HRH1: variants seen among roughly 807,000 people sequenced by gnomAD.
The protein encoded by HRH1 is histamine receptor H1, also known as histamine H1 receptor.
A neutral mutation model predicts 10.3 loss-of-function variants in HRH1; 6 were observed. The observed-to-expected ratio is 0.58, with a 90% CI of 0.32 to 1.15. The LOEUF is 1.15. HRH1 is among the 50% of genes most tolerant of loss of function. The probability of loss-of-function intolerance (pLI) is 0.05; values close to 1 mark genes in which losing one functional copy is unlikely to be tolerated. For synonymous variants in HRH1, 242 were observed against 236.7 expected (o/e 1.02, Z -0.21); for missense variants, 514 against 615.3 (o/e 0.84, Z 1.74).
intron 1 of HRH1, among the ~76,000 whole-genome samples, chr3:11,144,599 A>G (rs1430390374): frequency 6.6e-6 from 1 of 151,564 alleles, no homozygotes; most frequent in Non-Finnish European, 1.5e-5. Flanking sequence ...AGCCATTATC[A>G]TATGTCCTAC....
chr3:11,228,829 G>T (rs555777508), intron 1 of HRH1, among the ~76,000 whole-genome samples: 1 of 151,546 alleles, frequency 6.6e-6, no homozygotes, highest in Admixed American at 6.6e-5. Context: ...CAGGAGAATC[G>T]CTTGAACCCA....
At chr3:11,223,338 A>G (rs1177438746) in intron 1 of HRH1, among the ~76,000 whole-genome samples, 2 of 33,300 alleles carry the variant, frequency 6.0e-5, no homozygotes, top group African/African-American at 1.3e-3. Flanking sequence ...CTAAAAATAC[A>G]AAAAAAAAAA....
chr3:11,201,128 C>G (rs995843210), intron 1 of HRH1, among the ~76,000 whole-genome samples: 2 of 152,164 alleles, frequency 1.3e-5, no homozygotes, highest in Non-Finnish European at 2.9e-5. Flanking sequence ...GCTTACTGGC[C>G]CTGTCCAAAC....
chr3:11,208,734 T>A (rs1435503853), intron 1 of HRH1, among the ~76,000 whole-genome samples: 1 of 152,234 alleles, frequency 6.6e-6, no homozygotes, highest in Non-Finnish European at 1.5e-5. Context: ...TGATTATTAA[T>A]CGCTGTATAC....
At chr3:11,201,785 C>G (rs1937920272) in intron 1 of HRH1, among the ~76,000 whole-genome samples, 1 of 152,212 alleles carries the variant, frequency 6.6e-6, no homozygotes, top group Non-Finnish European at 1.5e-5. Context: ...TCACAGGAAG[C>G]ATGTCCAGCT....
chr3:11,164,919 GC>G (rs1415829879), intron 1 of HRH1, among the ~76,000 whole-genome samples: 1 of 152,216 alleles, frequency 6.6e-6, no homozygotes, highest in Admixed American at 6.5e-5. Flanking sequence ...AGTCCCAGCA[GC>G]AAGGTGCAGG....
In HRH1 at chr3:11,259,528, G is replaced by T; in HGVS notation, c.491G>T (p.Gly164Val). 1 of 1,614,028 alleles carries T rather than the reference G, an allele frequency of 6.2e-7. No homozygotes were observed. Among genetic ancestry groups the T allele is most frequent in the Non-Finnish European group, 8.5e-7 (1 of 1,180,012 alleles). The change falls in exon 2 of 2, where the codon GGC becomes GTC. Residue 164 changes from glycine to valine, a missense_variant. Coordinates refer to ENST00000431010, the MANE Select transcript of HRH1 (RefSeq NM_001098212.2). This position sits in a 1 kb window ranked among gnomAD's most constrained non-coding sequence, Gnocchi z 4.6. ...LSFLWVIPIL[G>V]WNHFMQQTSV... ...TTTCTGTGGGTTATTCCCATTCTAG[G>T]CTGGAATCACTTCATGCAGCAGACC...
intron 1 of HRH1, among the ~76,000 whole-genome samples, chr3:11,221,503 C>T (rs187620249): frequency 1.6e-4 from 24 of 151,060 alleles, no homozygotes; most frequent in Non-Finnish European, 2.4e-4. Flanking sequence ...TGCAGTGAGC[C>T]GAGATCACGC....
chr3:11,247,816 G>C (rs745694631), intron 1 of HRH1, among the ~76,000 whole-genome samples: 1 of 152,114 alleles, frequency 6.6e-6, no homozygotes, highest in Non-Finnish European at 1.5e-5. Flanking sequence ...TGAATAAGGT[G>C]GGGGGGAACT....
At chr3:11,152,650 T>TA (rs1936666591), upstream of HRH1, among the ~76,000 whole-genome samples, 1 of 41,042 alleles carries the variant, frequency 2.4e-5, no homozygotes, top group Non-Finnish European at 4.9e-5. Flanking sequence ...ATCCCCCCCT[T>TA]ACCTCCCTTA....
intron 1 of HRH1, among the ~76,000 whole-genome samples, chr3:11,199,888 C>T (rs1937835463): frequency 6.6e-6 from 1 of 152,148 alleles, no homozygotes; most frequent in Non-Finnish European, 1.5e-5. Flanking sequence ...TTAATAGAAG[C>T]TTCATCTTGT....
At chr3:11,192,027 G>C (rs1937543327) in intron 1 of HRH1, among the ~76,000 whole-genome samples, 1 of 152,182 alleles carries the variant, frequency 6.6e-6, no homozygotes, top group Non-Finnish European at 1.5e-5. Context: ...TGAGCCCCCT[G>C]TCCCCTTGGG....
At position 11,262,089 on chromosome 3, in the gene HRH1, T is replaced by A. The variant is rs1575051738; in HGVS notation, c.*1588T>A. On this transcript the variant is annotated 3_prime_UTR_variant, in exon 2 of 2. Coordinates refer to ENST00000431010, the MANE Select transcript of HRH1 (RefSeq NM_001098212.2). ...GCCATACCTGGTAAGCAAAAACTAGTAAAGACATAGGAACATGTAGTTTTA... is the reference window on the plus strand; with the variant it reads ...GCCATACCTGGTAAGCAAAAACTAGAAAAGACATAGGAACATGTAGTTTTA... 6.0e-6 allele frequency: 1 copy of A among 167,090 alleles called. No individual in the cohort carries two copies. Among genetic ancestry groups the A allele is most frequent in the East Asian group, 1.9e-4 (1 of 5,196 alleles). The allele number at this position is 167,090 out of a possible 1,614,324, so 10.4% of individuals were successfully genotyped here. A position where few individuals can be genotyped will look rare whatever the true frequency, so the allele number is the denominator to read the frequency against.
At chr3:11,194,789 G>A (rs1937610224) in intron 1 of HRH1, among the ~76,000 whole-genome samples, 1 of 152,154 alleles carries the variant, frequency 6.6e-6, no homozygotes, top group Non-Finnish European at 1.5e-5. Context: ...CACTCCAGCT[G>A]GGGCGACAGA....
At chr3:11,192,443 A>G (rs238615) in intron 1 of HRH1, among the ~76,000 whole-genome samples, 52,495 of 152,038 alleles carry the variant, frequency 0.35, 9,395 homozygotes, top group South Asian at 0.49. Context: ...CATATTCCAC[A>G]GTGTAAATAC....
intron 1 of HRH1, among the ~76,000 whole-genome samples, chr3:11,233,113 G>T (rs1474979909): frequency 6.6e-6 from 1 of 152,138 alleles, no homozygotes; most frequent in Non-Finnish European, 1.5e-5. Flanking sequence ...TTGGTTAACA[G>T]CTTCTTGATT....
At chr3:11,254,414 C>T (rs900576105) in intron 1 of HRH1, among the ~76,000 whole-genome samples, 2 of 152,248 alleles carry the variant, frequency 1.3e-5, no homozygotes, top group African/African-American at 4.8e-5. Flanking sequence ...TCTGCACTTG[C>T]TCTGCACTCA....
chr3:11,203,607 A>C (rs564186524), intron 1 of HRH1, among the ~76,000 whole-genome samples: 1 of 152,338 alleles, frequency 6.6e-6, no homozygotes, highest in South Asian at 2.1e-4. Flanking sequence ...ATTTGCTGAA[A>C]AGAATTTTTC....
chr3:11,233,945 G>A (rs1939107379), intron 1 of HRH1, among the ~76,000 whole-genome samples: 1 of 152,126 alleles, frequency 6.6e-6, no homozygotes, highest in Non-Finnish European at 1.5e-5. Context: ...AACCTTCCTG[G>A]GTAATGGTTT....
Sources: gnomAD v4.1 joint callset for allele counts (sites outside exome capture counted in the v4.1 genomes callset) on GRCh38, gnomAD v4.1.1 for gene constraint, Gnocchi (gnomAD v3.1) non-coding constraint, MANE v1.5 for transcripts, NCBI Gene and HGNC (gene_info 2026-07-23, HGNC 2026-07-21) for gene names.